Variants in EXT1 observed in about 807,000 individuals in gnomAD.
The protein encoded by EXT1 is exostosin-1.
A neutral mutation model predicts 82.5 loss-of-function variants in EXT1; 20 were observed. That is an observed-to-expected ratio of 0.24 (90% CI 0.17 to 0.35). The LOEUF is 0.35. Ranked by LOEUF, EXT1 falls within the 10% of genes least tolerant of loss-of-function variation. The pLI is 1.00. For missense variants in EXT1, 757 were observed against 936.5 expected, an observed-to-expected ratio of 0.81 and a Z score of 2.50; for synonymous variants, 348 against 350.8, an observed-to-expected ratio of 0.99 and a Z score of 0.09.
chr8:117,926,622 T>G (rs1563603367), intron 1 of EXT1, among the ~76,000 whole-genome samples: 1 of 152,288 alleles, frequency 6.6e-6, no homozygotes, highest in East Asian at 1.9e-4. Context: ...AAGGGCAATT[T>G]GCTTCTAGGA....
intron 1 of EXT1, among the ~76,000 whole-genome samples, chr8:117,986,836 A>G (rs1042445220): frequency 1.3e-5 from 2 of 152,240 alleles, no homozygotes; most frequent in Non-Finnish European, 2.9e-5. Context: ...GAACCTGCTC[A>G]TGTTGAGTAT....
intron 1 of EXT1, among the ~76,000 whole-genome samples, chr8:118,010,777 G>A (rs575257927): frequency 2.0e-5 from 3 of 152,294 alleles, no homozygotes; most frequent in Admixed American, 2.0e-4. Flanking sequence ...AATGTTTAAG[G>A]ACTCTCTTGG....
At position 117,818,527 on chromosome 8, in the gene EXT1, T is replaced by C; in HGVS notation, c.1540A>G (p.Ile514Val). ...GGCTTGTCACAATTCCATAGAACTA[T>C]GATCTGAAAGGGATGGGGCTCATTA... Reference protein sequence around the residue: ...AAKSQYCAQIIVLWNCDKPLP... With the variant: ...AAKSQYCAQIVVLWNCDKPLP... The change falls in exon 7 of 11, where the codon ATA becomes GTA. Residue 514 changes from isoleucine to valine, a missense_variant. Physicochemically the swap from Ile to Val is conservative, Grantham distance 29. Around this residue, in one of 4 missense-constraint regions of EXT1, gnomAD observed 207 missense variants for 224.2 expected, o/e 0.92. Coordinates refer to ENST00000378204, the MANE Select transcript of EXT1 (RefSeq NM_000127.3). 6.2e-7 allele frequency: 1 copy of C among 1,613,752 alleles called. No individual in the cohort carries two copies. The highest frequency in any genetic ancestry group is 8.5e-7 in the Non-Finnish European group (1 of 1,179,694).
In EXT1 at chr8:117,798,109, G is replaced by A. The variant is rs765217147; in HGVS notation, c.*1603C>T. ...CCAGATGTCTACAAAGAAAGGATGA[G>A]GTAAAGTCCAATGGACTTACGGTTT... On this transcript the variant is annotated 3_prime_UTR_variant, in exon 11 of 11. Coordinates refer to ENST00000378204, the MANE Select transcript of EXT1 (RefSeq NM_000127.3). 3 of 152,108 alleles carry A rather than the reference G, an allele frequency of 2.0e-5. No homozygotes were observed. The highest frequency in any genetic ancestry group is 6.6e-5 in the Admixed American group (1 of 15,264). The allele number at this position is 152,108 out of a possible 1,614,324, so 9.4% of individuals were successfully genotyped here. A position where few individuals can be genotyped will look rare whatever the true frequency, so the allele number is the denominator to read the frequency against.
intron 1 of EXT1, among the ~76,000 whole-genome samples, chr8:117,945,949 C>T (rs1233347853): frequency 6.6e-6 from 1 of 152,204 alleles, no homozygotes; most frequent in African/African-American, 2.4e-5. Flanking sequence ...TTTGCCCAGG[C>T]TGGAGTGCAA....
chr8:117,853,072 G>A (rs200915070), intron 1 of EXT1, among the ~76,000 whole-genome samples: 1 of 152,180 alleles, frequency 6.6e-6, no homozygotes, highest in East Asian at 1.9e-4. Flanking sequence ...GAGCAGTGCT[G>A]ACAGTAGATG....
In EXT1 at chr8:118,110,942, G is replaced by C. The variant is rs775906242; in HGVS notation, c.105C>G (p.Ser35Arg). ...GLQFRASRSH[S>R]RREEHSGRNG... Reference sequence around the variant, plus strand: ...TCCTACCGCTGTGTTCTTCTCTCCGGCTGTGGCTCCTCGATGCCCTAAACT... The same window carrying C: ...TCCTACCGCTGTGTTCTTCTCTCCGCCTGTGGCTCCTCGATGCCCTAAACT... The change falls in exon 1 of 11, where the codon AGC becomes AGG. Residue 35 changes from serine (S) to arginine (R), a missense_variant. By Grantham distance (110) the Ser-to-Arg change is moderately radical. Coordinates refer to ENST00000378204, the MANE Select transcript of EXT1 (RefSeq NM_000127.3). The C allele has an allele frequency of 6.2e-7, 1 of 1,613,568 alleles. No individual in the cohort carries two copies. Among genetic ancestry groups the C allele is most frequent in the Admixed American group, 1.7e-5 (1 of 60,020 alleles).
At chr8:117,958,605 T>C (rs1225744482) in intron 1 of EXT1, among the ~76,000 whole-genome samples, 1 of 152,188 alleles carries the variant, frequency 6.6e-6, no homozygotes, top group Non-Finnish European at 1.5e-5. Flanking sequence ...TTTGGTTGCT[T>C]AATTGCTTTC....
intron 1 of EXT1, among the ~76,000 whole-genome samples, chr8:117,958,409 G>T (rs1316133553): frequency 6.6e-6 from 1 of 152,166 alleles, no homozygotes; most frequent in Non-Finnish European, 1.5e-5. Flanking sequence ...AGCCAAACAT[G>T]TGTCTTGTCT....
At chr8:118,095,809 C>T (rs1383147180) in intron 1 of EXT1, among the ~76,000 whole-genome samples, 2 of 152,202 alleles carry the variant, frequency 1.3e-5, no homozygotes, top group Admixed American at 1.3e-4. Context: ...CAAGTCATTG[C>T]AATACAGGAC....
chr8:118,053,834 GTTCATTCTATTA>G (rs1563641658), intron 1 of EXT1, among the ~76,000 whole-genome samples: 2 of 152,168 alleles, frequency 1.3e-5, no homozygotes, highest in African/African-American at 4.8e-5. Context: ...AATTAGAGCA[GTTCATTCTATTA>G]TTTTAAATGA....
intron 8 of EXT1, among the ~76,000 whole-genome samples, chr8:117,807,841 C>T (rs540152321): frequency 6.6e-6 from 1 of 151,964 alleles, no homozygotes; most frequent in African/African-American, 2.4e-5. Context: ...TAAAAGCACC[C>T]TCTTAAGAGT....
At chr8:117,956,269 C>T (rs538070973) in intron 1 of EXT1, among the ~76,000 whole-genome samples, 40 of 151,894 alleles carry the variant, frequency 2.6e-4, no homozygotes, top group African/African-American at 9.4e-4. Flanking sequence ...CACTTCCACT[C>T]ACTGGACCTC....
intron 1 of EXT1, among the ~76,000 whole-genome samples, chr8:118,067,424 A>G (rs1469653465): frequency 1.3e-5 from 2 of 152,350 alleles, no homozygotes; most frequent in African/African-American, 4.8e-5. Flanking sequence ...CATGGGCTGG[A>G]TGGAAGCAGG....
chr8:117,959,654 G>A (rs1178892945), intron 1 of EXT1, among the ~76,000 whole-genome samples: 11 of 152,148 alleles, frequency 7.2e-5, no homozygotes, highest in South Asian at 6.2e-4. Flanking sequence ...TTGGACACAC[G>A]TTTGTGTGAT....
At position 118,111,012 on chromosome 8, in the gene EXT1, G is replaced by A. The variant is rs780457793; in HGVS notation, c.35C>T (p.Ser12Leu). The change falls in exon 1 of 11, where the codon TCA (serine) becomes TTA (leucine). Residue 12 changes from serine to leucine, a missense_variant. Physicochemically the swap from Ser to Leu is moderately radical, Grantham distance 145 (BLOSUM62 -2). Coordinates refer to ENST00000378204, the MANE Select transcript of EXT1 (RefSeq NM_000127.3). The part of the protein sequence containing the change: ...QAKKRYFILL[S>L]AGSCLALLFY... ...CAAAAGGGCGAGACAAGAGCCAGCT[G>A]AGAGCAGGATGAAATAGCGTTTTTT... 6 of 1,603,636 alleles carry A rather than the reference G, an allele frequency of 3.7e-6. No individual in the cohort carries two copies. In the South Asian group the frequency reaches 6.6e-5, roughly 18 times the overall value.
Position 117,858,762 on chromosome 8 carries a change from AAGGAAGGCAGGC to A in EXT1, c.963-21573_963-21562del, listed in dbSNP as rs1430444314. Among the ~76,000 whole-genome samples, 9 of 50,238 alleles carry A rather than the reference AAGGAAGGCAGGC, an allele frequency of 1.8e-4. 1 individual carries two copies. In the East Asian group the frequency reaches 3.7e-3, roughly 21 times the overall value. 33.0% of individuals were successfully genotyped at this position (50,238 alleles called of 152,430 possible). On this transcript the variant is annotated intron_variant, in intron 1 of 10. Transcript: ENST00000378204. The stretch of plus-strand genomic sequence containing the variant: ...GAAGGAAGGAAGGAAGGAAGGAAGG[AAGGAAGGCAGGC>A]AGGCAGGCAGGCAGGCAAGGCAAGG...
chr8:117,860,822 T>G (rs1324671300), intron 1 of EXT1, among the ~76,000 whole-genome samples: 1 of 152,196 alleles, frequency 6.6e-6, no homozygotes, highest in African/African-American at 2.4e-5. Flanking sequence ...ATTCATTTAT[T>G]ACATCACTTA....
At chr8:117,954,508 C>A (rs1217226687) in intron 1 of EXT1, among the ~76,000 whole-genome samples, 1 of 152,126 alleles carries the variant, frequency 6.6e-6, no homozygotes, top group African/African-American at 2.4e-5. Context: ...CTCTGAAGCT[C>A]CCCTCCCACT....
Sources: allele counts gnomAD v4.1 joint callset (sites outside exome capture counted in the v4.1 genomes callset), GRCh38; gene constraint gnomAD v4.1.1; regional missense constraint gnomAD v4.1.1; transcripts MANE v1.5; gene names NCBI Gene and HGNC (gene_info 2026-07-23, HGNC 2026-07-21).